The following ANKRD18B variants were observed in gnomAD, a reference collection of about 807,000 sequenced individuals.
The protein encoded by ANKRD18B is ankyrin repeat domain-containing protein 18B.
Under a neutral mutation model 111.8 loss-of-function variants are expected in ANKRD18B, and 75 were observed. The observed-to-expected ratio is 0.67, with a 90% CI of 0.56 to 0.81. The LOEUF (loss-of-function observed/expected upper bound fraction) is 0.81. Among genes scored for constraint, ANKRD18B ranks in the 40% least tolerant of loss-of-function variants. The probability of loss-of-function intolerance (pLI) is 0.00; values close to 1 mark genes in which losing one functional copy is unlikely to be tolerated. For synonymous variants in ANKRD18B, 356 were observed against 417.3 expected, an observed-to-expected ratio of 0.85 and a Z score of 1.79; for missense variants, 1,038 against 1,225.5, an observed-to-expected ratio of 0.85 and a Z score of 2.28.
chr9:33,570,115 C>A (rs528653636), intron 17 of ANKRD18B, among the ~76,000 whole-genome samples: 10 of 152,284 alleles, frequency 6.6e-5, no homozygotes, highest in Non-Finnish European at 1.3e-4. Flanking sequence ...AAATACTATG[C>A]AGCCATGAAA....
chr9:33,558,493 C>T (rs1368922681), intron 14 of ANKRD18B, among the ~76,000 whole-genome samples: 10 of 152,062 alleles, frequency 6.6e-5, no homozygotes, highest in Non-Finnish European at 2.9e-5. Context: ...ATAACAGCTT[C>T]GAGTTCATCC....
rs187320937 is a variant in ANKRD18B, at chr9:33,535,334, G to A, written c.740+827G>A. On this transcript the variant is annotated intron_variant, in intron 5 of 18. Transcript: ENST00000684830. ...GGAGTCTTGCTCAGTCGCCCAGGCT[G>A]GAGTGCAGTGGCGCAATCTCGGCTC... 4.0e-3 allele frequency among the ~76,000 whole-genome samples: 608 copies of A among 152,138 alleles called. 2 individuals are homozygous for A. Among genetic ancestry groups the A allele is most frequent in the Non-Finnish European group, 6.7e-3 (455 of 67,984 alleles).
intron 17 of ANKRD18B, among the ~76,000 whole-genome samples, chr9:33,569,926 G>A (rs184598133): frequency 6.6e-6 from 1 of 152,022 alleles, no homozygotes; most frequent in Non-Finnish European, 1.5e-5. Flanking sequence ...CCCACATGCA[G>A]CAACCCCATT....
intron 14 of ANKRD18B, among the ~76,000 whole-genome samples, chr9:33,565,543 C>A (rs1236839904): frequency 6.6e-6 from 1 of 152,206 alleles, no homozygotes; most frequent in African/African-American, 2.4e-5. Context: ...TAATTCACTG[C>A]AGCCCTGAAC....
At chr9:33,545,682 A>G (rs1025022031) in intron 10 of ANKRD18B, among the ~76,000 whole-genome samples, 3 of 152,234 alleles carry the variant, frequency 2.0e-5, no homozygotes, top group Non-Finnish European at 4.4e-5. Flanking sequence ...AGAACATCAA[A>G]AGCATATCTA....
At chr9:33,532,275 A>G (rs143162192) in intron 3 of ANKRD18B, among the ~76,000 whole-genome samples, 4,020 of 152,214 alleles carry the variant, frequency 0.026, 172 homozygotes, top group African/African-American at 0.09. Flanking sequence ...ATTGGCTCTT[A>G]TTATGCTAGA....
chr9:33,553,277 A>T (rs1004358965), intron 12 of ANKRD18B, among the ~76,000 whole-genome samples: 2 of 151,472 alleles, frequency 1.3e-5, no homozygotes, highest in Admixed American at 1.3e-4. Context: ...CTGTGGTAGG[A>T]GGGTCGCTTG....
chr9:33,571,742 C>T (rs1323578799), intron 18 of ANKRD18B: 2 of 154,220 alleles, frequency 1.3e-5, no homozygotes, highest in African/African-American at 4.8e-5. Flanking sequence ...CTGCATTCTG[C>T]CCTTTGCTCT....
chr9:33,538,087 C>T (rs1828226615), intron 6 of ANKRD18B, among the ~76,000 whole-genome samples: 2 of 152,260 alleles, frequency 1.3e-5, no homozygotes, highest in South Asian at 4.1e-4. Context: ...CAAGGGTCAA[C>T]TGCATTACAC....
At chr9:33,530,415 G>A (rs1433062821) in intron 3 of ANKRD18B, among the ~76,000 whole-genome samples, 1 of 151,818 alleles carries the variant, frequency 6.6e-6, no homozygotes, top group Non-Finnish European at 1.5e-5. Context: ...AGTCCAGCCT[G>A]AGGCGGGCAG....
At chr9:33,558,215 T>C (rs756122954) in intron 14 of ANKRD18B, 28 bp downstream of exon 14, 2 of 1,581,130 alleles carry the variant, frequency 1.3e-6, no homozygotes, top group Non-Finnish European at 1.7e-6. Flanking sequence ...TATTTTATCT[T>C]AAGGTCTAGA....
chr9:33,530,930 C>G (rs1284106637), intron 3 of ANKRD18B, among the ~76,000 whole-genome samples: 1 of 152,164 alleles, frequency 6.6e-6, no homozygotes, highest in Non-Finnish European at 1.5e-5. Flanking sequence ...TATGTATCAA[C>G]AAATGTTCAT....
intron 17 of ANKRD18B, among the ~76,000 whole-genome samples, chr9:33,570,307 C>A (rs781604887): frequency 2.0e-5 from 3 of 152,138 alleles, no homozygotes; most frequent in Non-Finnish European, 4.4e-5. Context: ...TGGGGAGGGA[C>A]AGAGTGGGCC....
Position 33,543,166 on chromosome 9 carries a change from C to T in ANKRD18B, c.1079-19C>T, listed in dbSNP as rs766785167. 3 of 1,541,020 alleles carry T rather than the reference C, an allele frequency of 1.9e-6. No individual in the cohort carries two copies. The highest frequency in any genetic ancestry group is 1.2e-5 in the South Asian group (1 of 82,664). On this transcript the variant is annotated intron_variant, in intron 9 of 18. Coordinates refer to ENST00000684830, the MANE Select transcript of ANKRD18B (RefSeq NM_001393611.1). ...TTTTAAGTCATTCATTTTAACTAAACATATGGATTTGTCAGCAGAACACAA... is the reference window on the plus strand; with the variant it reads ...TTTTAAGTCATTCATTTTAACTAAATATATGGATTTGTCAGCAGAACACAA...
chr9:33,558,244 C>G (rs1410219673), intron 14 of ANKRD18B, 57 bp downstream of exon 14: 9 of 1,534,772 alleles, frequency 5.9e-6, no homozygotes, highest in Non-Finnish European at 7.9e-6. Context: ...GTGAGAGGTA[C>G]AGGTTTGTTA....
At chr9:33,557,264 C>T (rs1282253206) in intron 13 of ANKRD18B, among the ~76,000 whole-genome samples, 1 of 151,986 alleles carries the variant, frequency 6.6e-6, no homozygotes, top group Non-Finnish European at 1.5e-5. Flanking sequence ...ATGTTTTCTT[C>T]TCTTTTTCTA....
chr9:33,534,300 G>C, intron 4 of ANKRD18B, 70 bp from the exon 5 acceptor site: 1 of 1,478,042 alleles, frequency 6.8e-7, no homozygotes, highest in African/African-American at 1.4e-5. Context: ...AATTGGTAAA[G>C]TGTATCCAAT....
chr9:33,524,515 G>C lies in ANKRD18B; in HGVS notation c.26G>C (p.Arg9Thr), dbSNP rs1563896851. 2 of 1,550,694 alleles carry C rather than the reference G, an allele frequency of 1.3e-6. No homozygotes were observed. Among genetic ancestry groups the C allele is most frequent in the Non-Finnish European group, 1.7e-6 (2 of 1,146,606 alleles). The change falls in exon 1 of 19, where the codon AGA becomes ACA. Residue 9 changes from arginine (R) to threonine (T), a missense_variant. This residue lies in a region of ANKRD18B where 216 missense variants were observed against 205.1 expected (regional missense o/e 1.05). Transcript: ENST00000684830. Reference sequence around the variant, plus strand: ...ATGAGGAAGCTCCTCAGTTTTGGGAGACGCCTGGGCCAGGCGCTCCTGAGC... The same window carrying C: ...ATGAGGAAGCTCCTCAGTTTTGGGACACGCCTGGGCCAGGCGCTCCTGAGC... The part of the protein sequence containing the change: MRKLLSFG[R>T]RLGQALLSSM...
chr9:33,573,238 T>A, downstream of ANKRD18B: 1 of 985,300 alleles, frequency 1.0e-6, no homozygotes, highest in Non-Finnish European at 1.2e-6. Flanking sequence ...GCTCTTCCCA[T>A]CATGCGCTCA....
Sources: gnomAD v4.1 joint callset for allele counts (sites outside exome capture counted in the v4.1 genomes callset) on GRCh38, gnomAD v4.1.1 for gene constraint, gnomAD v4.1.1 regional missense constraint, MANE v1.5 for transcripts, NCBI Gene and HGNC (gene_info 2026-07-23, HGNC 2026-07-21) for gene names.